Variants in SPAG16 observed in about 807,000 individuals in gnomAD.
SPAG16 encodes sperm-associated antigen 16 protein.
SPAG16 carries 86 observed loss-of-function variants against 80.4 expected under a neutral mutation model. The observed-to-expected ratio is 1.07, with a 90% CI of 0.90 to 1.28. The LOEUF is 1.28. SPAG16 is among the 50% of genes most tolerant of loss of function. The probability of loss-of-function intolerance (pLI) is 0.00; values close to 1 mark genes in which losing one functional copy is unlikely to be tolerated. For missense variants in SPAG16, 870 were observed against 765.3 expected (o/e 1.14, Z -1.61); for synonymous variants, 294 against 265.9 (o/e 1.11, Z -1.03).
intron 10 of SPAG16, among the ~76,000 whole-genome samples, chr2:213,630,119 C>T (rs539491804): frequency 1.1e-4 from 17 of 152,304 alleles, no homozygotes; most frequent in African/African-American, 3.8e-4. Context: ...CACAGTGGCT[C>T]ACACCTGTAA....
At chr2:213,397,400 C>T (rs2068095561) in intron 9 of SPAG16, among the ~76,000 whole-genome samples, 1 of 152,158 alleles carries the variant, frequency 6.6e-6, no homozygotes, top group Admixed American at 6.6e-5. Context: ...TCAGTTTGTT[C>T]TCCCTCCTTC....
At chr2:214,320,879 G>T (rs1696049095) in intron 15 of SPAG16, among the ~76,000 whole-genome samples, 2 of 152,184 alleles carry the variant, frequency 1.3e-5, no homozygotes, top group African/African-American at 2.4e-5. Flanking sequence ...AATAAACATT[G>T]TGAAATAAGT....
chr2:214,002,893 A>T (rs1559679255), intron 12 of SPAG16, among the ~76,000 whole-genome samples: 1 of 152,206 alleles, frequency 6.6e-6, no homozygotes. Flanking sequence ...AGACATACCC[A>T]GCAGTAACAT....
At chr2:214,388,665 A>C (rs1700895704) in intron 15 of SPAG16, among the ~76,000 whole-genome samples, 2 of 152,172 alleles carry the variant, frequency 1.3e-5, no homozygotes, top group Admixed American at 6.5e-5. Context: ...TACAGCAATA[A>C]TGCACTACTT....
chr2:213,690,473 G>T (rs189121616), intron 10 of SPAG16, among the ~76,000 whole-genome samples: 3 of 152,312 alleles, frequency 2.0e-5, no homozygotes, highest in Admixed American at 2.0e-4. Flanking sequence ...GAGTATGATG[G>T]TTAATATTAG....
intron 10 of SPAG16, among the ~76,000 whole-genome samples, chr2:213,819,752 G>T (rs182371566): frequency 3.4e-4 from 52 of 151,232 alleles, no homozygotes; most frequent in South Asian, 1.7e-3. Flanking sequence ...TGTTTGTTTG[G>T]TTGGTTGGTT....
intron 12 of SPAG16, among the ~76,000 whole-genome samples, chr2:213,953,207 T>C (rs1204943688): frequency 2.6e-5 from 4 of 152,030 alleles, no homozygotes; most frequent in African/African-American, 4.8e-5. Context: ...TTAGAAAATA[T>C]ACTTAATACT....
chr2:214,340,048 T>C (rs1697564405), intron 15 of SPAG16, among the ~76,000 whole-genome samples: 1 of 152,184 alleles, frequency 6.6e-6, no homozygotes. Flanking sequence ...GCTAAGTTTG[T>C]GGTAATTTGT....
intron 13 of SPAG16, among the ~76,000 whole-genome samples, chr2:214,027,724 A>T (rs2048207909): frequency 6.6e-6 from 1 of 151,836 alleles, no homozygotes; most frequent in South Asian, 2.1e-4. Flanking sequence ...AAAATGTTTT[A>T]TGTTATCATT....
chr2:213,990,370 G>A (rs967324007), intron 12 of SPAG16, among the ~76,000 whole-genome samples: 13 of 151,936 alleles, frequency 8.6e-5, no homozygotes, highest in African/African-American at 3.1e-4. Flanking sequence ...CAATGGTTAG[G>A]GGAACCAACT....
intron 6 of SPAG16, among the ~76,000 whole-genome samples, chr2:213,340,484 G>A (rs1157710712): frequency 6.6e-6 from 1 of 152,150 alleles, no homozygotes; most frequent in African/African-American, 2.4e-5. Context: ...ACACTGCATT[G>A]TTGCTATGCC....
At chr2:213,791,824 T>G (rs1173441696) in intron 10 of SPAG16, among the ~76,000 whole-genome samples, 1 of 152,186 alleles carries the variant, frequency 6.6e-6, no homozygotes, top group Non-Finnish European at 1.5e-5. Flanking sequence ...TTGCAAAGTT[T>G]ATTCTGTGGA....
At chr2:214,279,579 A>G (rs1281852890) in intron 15 of SPAG16, among the ~76,000 whole-genome samples, 2 of 152,152 alleles carry the variant, frequency 1.3e-5, no homozygotes, top group African/African-American at 4.8e-5. Context: ...AATTCACAGA[A>G]TAGAGCTCTG....
intron 10 of SPAG16, among the ~76,000 whole-genome samples, chr2:213,800,237 G>C (rs989399401): frequency 6.6e-6 from 1 of 151,862 alleles, no homozygotes; most frequent in Non-Finnish European, 1.5e-5. Flanking sequence ...ATTAAATGTT[G>C]TTAAATCATG....
At chr2:213,457,609 A>C (rs1019665738) in intron 9 of SPAG16, among the ~76,000 whole-genome samples, 3 of 152,034 alleles carry the variant, frequency 2.0e-5, no homozygotes, top group Non-Finnish European at 4.4e-5. Flanking sequence ...CTTGTATTAA[A>C]ATCTTTGTGT....
chr2:213,489,139 T>G (rs1273324943), intron 9 of SPAG16, among the ~76,000 whole-genome samples: 1 of 152,080 alleles, frequency 6.6e-6, no homozygotes, highest in South Asian at 2.1e-4. Flanking sequence ...AAATAATTTT[T>G]GAATAAGTAA....
intron 9 of SPAG16, among the ~76,000 whole-genome samples, chr2:213,448,524 G>A (rs7561092): frequency 0.074 from 11,272 of 152,042 alleles, 1,377 homozygotes; most frequent in African/African-American, 0.25. Flanking sequence ...TTAGTGTGCC[G>A]TACCAGTTAA....
intron 13 of SPAG16, among the ~76,000 whole-genome samples, chr2:214,025,071 G>GAAT (rs1176576056): frequency 6.6e-6 from 1 of 151,418 alleles, no homozygotes; most frequent in Admixed American, 6.6e-5. Context: ...TTTAAAATGG[G>GAAT]AATAATAATA....
intron 15 of SPAG16, among the ~76,000 whole-genome samples, chr2:214,250,688 TAAAG>T (rs1383944576): frequency 1.4e-3 from 203 of 145,046 alleles, no homozygotes; most frequent in Non-Finnish European, 2.5e-3. Flanking sequence ...TATCTATATA[TAAAG>T]AAATATATAT....
Sources: gnomAD v4.1 joint callset for allele counts (sites outside exome capture counted in the v4.1 genomes callset) on GRCh38, gnomAD v4.1.1 for gene constraint, MANE v1.5 for transcripts, NCBI Gene and HGNC (gene_info 2026-07-23, HGNC 2026-07-21) for gene names.